The following PDE2A variants were observed in gnomAD, a reference collection of about 807,000 sequenced individuals.
PDE2A encodes cGMP-dependent 3',5'-cyclic phosphodiesterase.
Under a neutral mutation model 133.6 loss-of-function variants are expected in PDE2A, and 53 were observed. That is an observed-to-expected ratio of 0.40 (90% CI 0.32 to 0.50). The LOEUF (loss-of-function observed/expected upper bound fraction) is 0.50, where lower values mean the gene tolerates loss of function less well. Among genes scored for constraint, PDE2A ranks in the 20% least tolerant of loss-of-function variants. The pLI, the probability that PDE2A is intolerant of heterozygous loss-of-function variation, is 0.73. For synonymous variants in PDE2A, 491 were observed against 490.2 expected (o/e 1.00, Z -0.02); for missense variants, 796 against 1,232.4 (o/e 0.65, Z 5.30).
At chr11:72,582,073 C>T (rs768796463) in intron 21 of PDE2A, 126 bp from the exon 22 acceptor site, 3 of 758,450 alleles carry the variant, frequency 4.0e-6, no homozygotes, top group Non-Finnish European at 6.9e-6. Context: ...AACTAGAGAA[C>T]CACAAAATAG....
chr11:72,642,777 G>A (rs1226439910), intron 1 of PDE2A, among the ~76,000 whole-genome samples: 6 of 151,884 alleles, frequency 4.0e-5, no homozygotes, highest in Admixed American at 2.6e-4. Flanking sequence ...TCCGGGGCCC[G>A]GCCAGAGCCC....
In PDE2A at chr11:72,590,675, C is replaced by T; in HGVS notation, c.550-95G>A. Reference sequence around the variant, plus strand: ...GCCTTTGCTCCCGCCGTTCCCTCTGCCTGCCGGGCCCAGGGACCCCGCCGC... The same window carrying T: ...GCCTTTGCTCCCGCCGTTCCCTCTGTCTGCCGGGCCCAGGGACCCCGCCGC... On this transcript the variant is annotated intron_variant, in intron 7 of 30. Transcript: ENST00000334456. This position sits in a 1 kb window ranked among gnomAD's most constrained non-coding sequence, Gnocchi z 4.8. 2 of 1,176,286 alleles carry T rather than the reference C, an allele frequency of 1.7e-6. No homozygotes were observed. The highest frequency in any genetic ancestry group is 2.2e-6 in the Non-Finnish European group (2 of 904,260). The allele number at this position is 1,176,286 out of a possible 1,614,324, so 72.9% of individuals were successfully genotyped here.
chr11:72,583,661 G>A, intron 19 of PDE2A, 146 bp from the exon 20 acceptor site: 2 of 634,964 alleles, frequency 3.1e-6, no homozygotes, highest in Non-Finnish European at 5.6e-6. Context: ...CCAGTCCACA[G>A]TAAAGACCCC....
intron 1 of PDE2A, among the ~76,000 whole-genome samples, chr11:72,656,179 A>C (rs1044950971): frequency 2.0e-5 from 3 of 152,294 alleles, no homozygotes; most frequent in African/African-American, 4.8e-5. Flanking sequence ...CATGTAGACA[A>C]GCTGAGGGCC....
At chr11:72,608,558 C>A in intron 3 of PDE2A, 104 bp downstream of exon 3, 2 of 674,450 alleles carry the variant, frequency 3.0e-6, no homozygotes, top group Non-Finnish European at 5.5e-6. Context: ...TGGGCAGGGA[C>A]CCTGCCTCTT....
chr11:72,641,355 A>T (rs1250914991), intron 2 of PDE2A, among the ~76,000 whole-genome samples: 1 of 152,200 alleles, frequency 6.6e-6, no homozygotes, highest in Non-Finnish European at 1.5e-5. Flanking sequence ...TCCCAGGGAC[A>T]CTAGCCCTGC....
intron 22 of PDE2A, 38 bp from the exon 23 acceptor site, chr11:72,581,517 TCTC>T (rs1293469740): frequency 3.8e-6 from 6 of 1,560,102 alleles, no homozygotes; most frequent in Admixed American, 3.9e-5. Flanking sequence ...GGCCTCAGCC[TCTC>T]CTCCTCCATC....
At chr11:72,659,770 G>A (rs1169773020) in intron 1 of PDE2A, among the ~76,000 whole-genome samples, 2 of 152,048 alleles carry the variant, frequency 1.3e-5, no homozygotes, top group Non-Finnish European at 2.9e-5. Context: ...GGGCACACCT[G>A]GTCAAAGGAG....
In PDE2A at chr11:72,577,211, C is replaced by T; in HGVS notation, c.*173G>A. The T allele has an allele frequency of 1.7e-6, 1 of 593,510 alleles. No individual in the cohort carries two copies. Among genetic ancestry groups the T allele is most frequent in the Admixed American group, 3.0e-5 (1 of 33,814 alleles). The allele number at this position is 593,510 out of a possible 1,614,324, so 36.8% of individuals were successfully genotyped here. On this transcript the variant is annotated 3_prime_UTR_variant, in exon 31 of 31. Coordinates refer to ENST00000334456, the MANE Select transcript of PDE2A (RefSeq NM_002599.5). ...AGTCTCCGTGAGGTTGGAAGTCTTG[C>T]TTCCATTATACAGACGAGAAAGCTG...
intron 2 of PDE2A, among the ~76,000 whole-genome samples, chr11:72,640,322 G>T (rs1858899439): frequency 6.6e-6 from 1 of 151,480 alleles, no homozygotes; most frequent in Admixed American, 6.6e-5. Context: ...CACGTTTGTG[G>T]GCACACACAG....
In PDE2A at chr11:72,670,812, A is replaced by G. The variant is rs116890971; in HGVS notation, c.71+3325T>C. 6.6e-5 allele frequency among the ~76,000 whole-genome samples: 10 copies of G among 152,258 alleles called. No homozygotes were observed. The East Asian group carries it at 1.7e-3, about 26-fold the overall frequency. On this transcript the variant is annotated intron_variant, in intron 1 of 30. Coordinates refer to ENST00000334456, the MANE Select transcript of PDE2A (RefSeq NM_002599.5). ...AGCCTGGAGTTGCTGGGCCCTGCGG[A>G]GAAGACCCAGGACAGATATAACCAC... is the stretch of plus-strand genomic sequence containing the variant.
intron 1 of PDE2A, chr11:72,668,490 C>A: frequency 1.4e-6 from 1 of 700,856 alleles, no homozygotes. Context: ...CCTACCTGCA[C>A]CCCCCAACAC....
chr11:72,596,047 C>T (rs932969613), intron 6 of PDE2A, among the ~76,000 whole-genome samples: 3 of 152,140 alleles, frequency 2.0e-5, no homozygotes, highest in Non-Finnish European at 2.9e-5. Flanking sequence ...GCTGGCCTGA[C>T]CATGGCCTTT....
Position 72,583,497 on chromosome 11 carries a change from CT to C in PDE2A, c.1668del (p.Val557Ter). ...ISIAHSLLYK[K>X]VNEAQYRSHL... The stretch of plus-strand genomic sequence containing the variant: ...TGGCTGCGATACTGAGCCTCATTCA[CT>C]TTTTTGTATAGGAGAGACTAGGGGA... On this transcript the variant is annotated frameshift_variant, in exon 20 of 31. Transcript: ENST00000334456. LOFTEE classifies it high-confidence loss of function. 6.2e-7 allele frequency: 1 copy of C among 1,611,612 alleles called. No individual in the cohort carries two copies. Among genetic ancestry groups the C allele is most frequent in the Non-Finnish European group, 8.5e-7 (1 of 1,177,744 alleles).
intron 2 of PDE2A, among the ~76,000 whole-genome samples, chr11:72,640,583 C>A (rs1858911592): frequency 6.6e-6 from 1 of 152,118 alleles, no homozygotes; most frequent in Non-Finnish European, 1.5e-5. Flanking sequence ...CCCAAGCAAT[C>A]CCAGGATGTG....
chr11:72,642,245 C>G lies in PDE2A; in HGVS notation c.144+9G>C, dbSNP rs1196985822. The G allele has an allele frequency of 5.3e-6, 8 of 1,503,586 alleles. No individual in the cohort carries two copies. The highest frequency in any genetic ancestry group is 1.4e-5 in the African/African-American group (1 of 69,272). 93.1% of individuals were successfully genotyped at this position (1,503,586 alleles called of 1,614,324 possible). Reference sequence around the variant, plus strand: ...GTTCTCCTGGTGCCCAGCGCGGGGGCCCCCCTACCTGCAGGCTGTCGGCGC... The same window carrying G: ...GTTCTCCTGGTGCCCAGCGCGGGGGGCCCCCTACCTGCAGGCTGTCGGCGC... On this transcript the variant is annotated intron_variant, in intron 2 of 30. Transcript: ENST00000334456.
chr11:72,593,558 C>A (rs1353807942), intron 6 of PDE2A, among the ~76,000 whole-genome samples: 1 of 152,230 alleles, frequency 6.6e-6, no homozygotes, highest in Non-Finnish European at 1.5e-5. Context: ...AACACCCCAT[C>A]CCCGTGCAGG....
chr11:72,640,745 C>T (rs1385602045), intron 2 of PDE2A, among the ~76,000 whole-genome samples: 1 of 152,146 alleles, frequency 6.6e-6, no homozygotes. Flanking sequence ...CAGTAACACA[C>T]ACAACTACAT....
At position 72,585,554 on chromosome 11, in the gene PDE2A, C is replaced by T. The variant is rs1421615811; in HGVS notation, c.1222G>A (p.Asp408Asn). ...CAGGCAGAGAGAACAGTGCACTCAC[C>T]CAGGTGGGTGAAGAGGTTCTTTGCC... is the stretch of plus-strand genomic sequence containing the variant. ...QVAKNLFTHL[D>N]DVSVLLQEII... Residue 408 changes from aspartate (D) to asparagine (N), a missense_variant and splice_region_variant, in exon 15 of 31, where the codon GAT (aspartate) becomes AAT (asparagine). This residue lies in a region of PDE2A where 31 missense variants were observed against 70.2 expected (regional missense o/e 0.44). Transcript: ENST00000334456. 6.2e-7 allele frequency: 1 copy of T among 1,614,018 alleles called. No individual in the cohort carries two copies. Among genetic ancestry groups the T allele is most frequent in the African/African-American group, 1.3e-5 (1 of 74,922 alleles).
Sources: gnomAD v4.1 joint callset for allele counts (sites outside exome capture counted in the v4.1 genomes callset) on GRCh38, gnomAD v4.1.1 for gene constraint, gnomAD v4.1.1 regional missense constraint, Gnocchi (gnomAD v3.1) non-coding constraint, MANE v1.5 for transcripts, NCBI Gene and HGNC (gene_info 2026-07-23, HGNC 2026-07-21) for gene names.